The following NKAIN3 variants were observed in gnomAD, a reference collection of about 807,000 sequenced individuals.
NKAIN3 encodes the protein sodium/potassium-transporting ATPase subunit beta-1-interacting protein 3.
A neutral mutation model predicts 30.2 loss-of-function variants in NKAIN3; 25 were observed. The observed-to-expected ratio is 0.83, with a 90% CI of 0.60 to 1.16. NKAIN3 has a LOEUF of 1.16. NKAIN3 is among the 50% of genes most tolerant of loss of function. The pLI, the probability that NKAIN3 is intolerant of heterozygous loss-of-function variation, is 0.00. For synonymous variants in NKAIN3, 91 were observed against 89.6 expected, an observed-to-expected ratio of 1.02 and a Z score of -0.09; for missense variants, 225 against 254.1, an observed-to-expected ratio of 0.89 and a Z score of 0.78.
At chr8:62,734,008 A>G (rs184071217) in intron 3 of NKAIN3, among the ~76,000 whole-genome samples, 37 of 152,280 alleles carry the variant, frequency 2.4e-4, no homozygotes, top group Admixed American at 6.5e-4. Flanking sequence ...AGGGCTGGGT[A>G]TAGTGGTTCA....
chr8:62,345,483 GTA>G (rs1237523638), intron 1 of NKAIN3, among the ~76,000 whole-genome samples: 3 of 23,616 alleles, frequency 1.3e-4, no homozygotes, highest in African/African-American at 4.5e-4. Flanking sequence ...ACACATATAT[GTA>G]TATATACACA....
chr8:62,372,867 T>A (rs1319490167), intron 1 of NKAIN3, among the ~76,000 whole-genome samples: 1 of 152,136 alleles, frequency 6.6e-6, no homozygotes, highest in Non-Finnish European at 1.5e-5. Context: ...CAGTCCCTTC[T>A]CTGTCTTTTT....
chr8:62,762,884 TA>T lies in NKAIN3; in HGVS notation c.471+15765del, dbSNP rs368982598. On this transcript the variant is annotated intron_variant, in intron 4 of 6. Coordinates refer to ENST00000623646, the MANE Select transcript of NKAIN3 (RefSeq NM_001304533.3). Reference sequence around the variant, plus strand: ...TAAAAAGTACAGTACAAACACAGACTAAAAAAAAAATTCAATAATTAGAGAA... The same window carrying T: ...TAAAAAGTACAGTACAAACACAGACTAAAAAAAAATTCAATAATTAGAGAA... Among the ~76,000 whole-genome samples the T allele has an allele frequency of 7.1e-3, 1,064 of 149,112 alleles. 11 individuals are homozygous for T. The highest frequency in any genetic ancestry group is 0.024 in the African/African-American group (994 of 40,702).
chr8:62,270,330 C>T (rs921064147), intron 1 of NKAIN3, among the ~76,000 whole-genome samples: 39 of 152,116 alleles, frequency 2.6e-4, no homozygotes, highest in Admixed American at 6.6e-4. Flanking sequence ...AGTCATCCTT[C>T]CTTGGCCTCT....
intron 5 of NKAIN3, among the ~76,000 whole-genome samples, chr8:62,943,083 G>A (rs962995129): frequency 6.6e-6 from 1 of 152,082 alleles, no homozygotes; most frequent in African/African-American, 2.4e-5. Flanking sequence ...GAAATAATTA[G>A]CAGAGTAAGC....
At chr8:62,528,718 T>C (rs1421277815) in intron 1 of NKAIN3, among the ~76,000 whole-genome samples, 2 of 152,118 alleles carry the variant, frequency 1.3e-5, no homozygotes, top group Non-Finnish European at 2.9e-5. Context: ...ACCTGACCTT[T>C]ATAACTTTTT....
At chr8:62,870,254 A>ATCTTTATC (rs879552418) in intron 4 of NKAIN3, among the ~76,000 whole-genome samples, 1 of 109,502 alleles carries the variant, frequency 9.1e-6, no homozygotes, top group Admixed American at 9.0e-5. Flanking sequence ...AGATATCTAT[A>ATCTTTATC]TATATATCTA....
chr8:62,863,164 G>A (rs1177627455), intron 4 of NKAIN3: 13 of 1,519,360 alleles, frequency 8.6e-6, no homozygotes, highest in Non-Finnish European at 1.2e-5. Context: ...TTTCCTTTCG[G>A]CTTCTTGCTC....
At chr8:62,710,850 T>C (rs1212600563) in intron 3 of NKAIN3, among the ~76,000 whole-genome samples, 3 of 152,206 alleles carry the variant, frequency 2.0e-5, no homozygotes, top group African/African-American at 7.2e-5. Flanking sequence ...TGATTTATGC[T>C]TTAAAGAGGT....
At chr8:62,387,349 C>CAAAA (rs5891851) in intron 1 of NKAIN3, among the ~76,000 whole-genome samples, 1 of 142,368 alleles carries the variant, frequency 7.0e-6, no homozygotes, top group Non-Finnish European at 1.5e-5. Context: ...AAAAATGTAG[C>CAAAA]AAAAAAAAAA....
chr8:62,436,674 G>C (rs1242635582), intron 1 of NKAIN3, among the ~76,000 whole-genome samples: 2 of 152,064 alleles, frequency 1.3e-5, no homozygotes, highest in African/African-American at 2.4e-5. Context: ...CACTTAATTA[G>C]GAGTTGTTAT....
intron 1 of NKAIN3, among the ~76,000 whole-genome samples, chr8:62,271,773 T>G (rs894955825): frequency 6.6e-6 from 1 of 152,204 alleles, no homozygotes; most frequent in Non-Finnish European, 1.5e-5. Flanking sequence ...ATTTCAGCTC[T>G]AGTGATTCTT....
chr8:62,369,076 G>A (rs989222756), intron 1 of NKAIN3, among the ~76,000 whole-genome samples: 5 of 151,986 alleles, frequency 3.3e-5, no homozygotes, highest in African/African-American at 1.2e-4. Context: ...CCTTTTCTGT[G>A]CTGGTAAATC....
chr8:62,383,722 T>G (rs73259242), intron 1 of NKAIN3, among the ~76,000 whole-genome samples: 16 of 152,146 alleles, frequency 1.1e-4, no homozygotes, highest in Admixed American at 3.9e-4. Context: ...TGACTGTTCT[T>G]TTTCTCAAAT....
intron 1 of NKAIN3, among the ~76,000 whole-genome samples, chr8:62,485,428 A>G (rs1329905218): frequency 6.6e-6 from 1 of 152,174 alleles, no homozygotes; most frequent in African/African-American, 2.4e-5. Context: ...TTAAAAAAAC[A>G]CCCATTTATT....
At chr8:62,779,047 G>A (rs1817273767) in intron 4 of NKAIN3, among the ~76,000 whole-genome samples, 1 of 151,876 alleles carries the variant, frequency 6.6e-6, no homozygotes, top group Non-Finnish European at 1.5e-5. Flanking sequence ...ACTCTGCCAG[G>A]TGCCCTATCC....
chr8:62,470,642 T>C (rs1283366312), intron 1 of NKAIN3, among the ~76,000 whole-genome samples: 1 of 152,114 alleles, frequency 6.6e-6, no homozygotes, highest in Non-Finnish European at 1.5e-5. Flanking sequence ...GAGCAGAGAT[T>C]TAGACAATGA....
At chr8:62,593,217 T>A (rs2130117026) in intron 3 of NKAIN3, among the ~76,000 whole-genome samples, 1 of 152,118 alleles carries the variant, frequency 6.6e-6, no homozygotes, top group South Asian at 2.1e-4. Context: ...GTTGAATGAC[T>A]GAAATAATAC....
At chr8:62,391,821 G>A (rs972204531) in intron 1 of NKAIN3, among the ~76,000 whole-genome samples, 3 of 151,980 alleles carry the variant, frequency 2.0e-5, no homozygotes, top group South Asian at 2.1e-4. Context: ...GTGTGTATGC[G>A]TGTGTGGGTG....
Sources: gnomAD v4.1 joint callset for allele counts (sites outside exome capture counted in the v4.1 genomes callset) on GRCh38, gnomAD v4.1.1 for gene constraint, MANE v1.5 for transcripts, NCBI Gene and HGNC (gene_info 2026-07-23, HGNC 2026-07-21) for gene names.